The following RGS6 variants were observed in gnomAD, a reference collection of about 807,000 sequenced individuals.
RGS6 encodes regulator of G protein signaling 6.
A neutral mutation model predicts 78.5 loss-of-function variants in RGS6; 30 were observed. The ratio of observed to expected loss-of-function variants is 0.38; its 90% CI spans 0.29 to 0.52. The LOEUF (loss-of-function observed/expected upper bound fraction) is 0.52. Ranked by LOEUF, RGS6 falls within the 20% of genes least tolerant of loss-of-function variation. The probability of loss-of-function intolerance (pLI) is 0.85; values close to 1 mark genes in which losing one functional copy is unlikely to be tolerated. For synonymous variants in RGS6, 206 were observed against 206.0 expected, an observed-to-expected ratio of 1.00 and a Z score of 0.00; for missense variants, 495 against 609.7, an observed-to-expected ratio of 0.81 and a Z score of 1.98.
chr14:72,061,450 A>T (rs2093889237), intron 2 of RGS6, among the ~76,000 whole-genome samples: 1 of 152,162 alleles, frequency 6.6e-6, no homozygotes. Context: ...ATGAAGAAGG[A>T]ACCAGCTGCT....
chr14:72,307,526 C>A (rs1567715197), intron 2 of RGS6, among the ~76,000 whole-genome samples: 1 of 152,042 alleles, frequency 6.6e-6, no homozygotes, highest in Non-Finnish European at 1.5e-5. Flanking sequence ...GACAATAATT[C>A]TTTTTTCCAT....
the RGS6 span, chr14:72,612,664 G>A: frequency 1.8e-5 from 9 of 511,206 alleles, no homozygotes; most frequent in Admixed American, 1.2e-4. Flanking sequence ...AACCAAGTCC[G>A]TATAAACCAC....
rs79311678 is a variant in RGS6 at position 72,505,189 on chromosome 14, C to T, written c.966-4965C>T. Among the ~76,000 whole-genome samples the T allele has an allele frequency of 5.9e-5, 9 of 152,224 alleles. No individual in the cohort carries two copies. The South Asian group carries it at 1.7e-3, about 28-fold the overall frequency. ...TTACAGCAGCTTCCCACTCACAGTA[C>T]GAACTTCTGTCTTAGTCTGTTAGGA... On this transcript the variant is annotated intron_variant, in intron 13 of 17. Transcript: ENST00000553525.
Position 71,932,902 on chromosome 14 carries a change from G to C in RGS6, c.-60G>C, listed in dbSNP as rs1019686133. On this transcript the variant is annotated 5_prime_UTR_variant, in exon 1 of 18. Transcript: ENST00000553525. The stretch of plus-strand genomic sequence containing the variant: ...AAGGTTGGCTTTAGGAAAAATTCTG[G>C]AGCCAGAGGGAGAGTCAAGGCAATT... 6.6e-5 allele frequency: 10 copies of C among 152,276 alleles called. No homozygotes were observed. Among genetic ancestry groups the C allele is most frequent in the African/African-American group, 2.2e-4 (9 of 41,474 alleles). The allele number at this position is 152,276 out of a possible 1,614,324, so 9.4% of individuals were successfully genotyped here. A position where few individuals can be genotyped will look rare whatever the true frequency, so the allele number is the denominator to read the frequency against.
intron 3 of RGS6, among the ~76,000 whole-genome samples, chr14:72,418,947 A>C (rs1455862235): frequency 1.3e-5 from 2 of 152,208 alleles, no homozygotes; most frequent in East Asian, 3.9e-4. Context: ...AATGATAGTT[A>C]ATCTGTTTTC....
At chr14:72,576,630 G>C in the RGS6 span, among the ~76,000 whole-genome samples, 8 of 152,212 alleles carry the variant, frequency 5.3e-5, no homozygotes, top group Non-Finnish European at 1.0e-4. Flanking sequence ...TAACAGACAT[G>C]TGATACTTGT....
At position 72,154,021 on chromosome 14, in the gene RGS6, C is replaced by T. The variant is rs146797892; in HGVS notation, c.84+189146C>T. ...CCTTATCTCAACCGCATAGGACAGA[C>T]ATTCCCAGAGCGGCCGTTTATAGAC... On this transcript the variant is annotated intron_variant, in intron 2 of 17. Transcript: ENST00000553525. Among the ~76,000 whole-genome samples, 671 of 152,276 alleles carry T rather than the reference C, an allele frequency of 4.4e-3. 2 individuals are homozygous for T. Among genetic ancestry groups the T allele is most frequent in the African/African-American group, 0.015 (629 of 41,562 alleles).
chr14:72,348,847 C>G (rs369193325), intron 2 of RGS6, among the ~76,000 whole-genome samples: 1 of 152,130 alleles, frequency 6.6e-6, no homozygotes, highest in East Asian at 1.9e-4. Flanking sequence ...TAGAGCAAAC[C>G]ACTTCAAACT....
intron 2 of RGS6, among the ~76,000 whole-genome samples, chr14:71,969,541 G>A (rs2093690871): frequency 6.6e-6 from 1 of 152,148 alleles, no homozygotes; most frequent in Admixed American, 6.5e-5. Flanking sequence ...AAAGCTGGAG[G>A]CTCTGCCTGT....
intron 2 of RGS6, among the ~76,000 whole-genome samples, chr14:71,991,432 T>C (rs1394502652): frequency 6.6e-6 from 1 of 152,182 alleles, no homozygotes; most frequent in African/African-American, 2.4e-5. Context: ...CAATGAAAAA[T>C]ACCTTTCCGT....
At chr14:72,579,754 T>C in the RGS6 span, among the ~76,000 whole-genome samples, 1,905 of 152,216 alleles carry the variant, frequency 0.013, 17 homozygotes, top group Non-Finnish European at 0.02. Flanking sequence ...CAGGTAACAG[T>C]AGATGAGGCC....
At chr14:72,080,822 G>T (rs776700767) in intron 2 of RGS6, among the ~76,000 whole-genome samples, 11 of 151,876 alleles carry the variant, frequency 7.2e-5, no homozygotes, top group Admixed American at 2.0e-4. Flanking sequence ...AAAATCTATT[G>T]ACCATTGACT....
At chr14:71,890,897 C>T in the RGS6 span, among the ~76,000 whole-genome samples, 1 of 152,186 alleles carries the variant, frequency 6.6e-6, no homozygotes, top group East Asian at 1.9e-4. Flanking sequence ...CTTTTTACAT[C>T]TCAAACTGAC....
chr14:72,001,033 T>C (rs2083322935), intron 2 of RGS6, among the ~76,000 whole-genome samples: 1 of 152,246 alleles, frequency 6.6e-6, no homozygotes, highest in African/African-American at 2.4e-5. Flanking sequence ...TTTAGTTTCG[T>C]TCTCTCTTGA....
chr14:71,896,274 C>T, the RGS6 span, among the ~76,000 whole-genome samples: 1 of 152,200 alleles, frequency 6.6e-6, no homozygotes, highest in African/African-American at 2.4e-5. Context: ...CAGAGCAGCC[C>T]CGAGGGCTGC....
At position 72,565,086 on chromosome 14, in the gene RGS6, A is replaced by G. The variant is rs887686142; in HGVS notation, c.*2619A>G. Reference sequence around the variant, plus strand: ...ATTGGCCTGGTCTACACAGCCAAAAATTCAGACTAGATTAGATGTTTGCAG... The same window carrying G: ...ATTGGCCTGGTCTACACAGCCAAAAGTTCAGACTAGATTAGATGTTTGCAG... On this transcript the variant is annotated 3_prime_UTR_variant, in exon 18 of 18. Coordinates refer to ENST00000553525, the MANE Select transcript of RGS6 (RefSeq NM_001204424.2). 1 of 152,236 alleles carries G rather than the reference A, an allele frequency of 6.6e-6. No individual in the cohort carries two copies. The highest frequency in any genetic ancestry group is 6.5e-5 in the Admixed American group (1 of 15,284). The allele number at this position is 152,236 out of a possible 1,614,324, so 9.4% of individuals were successfully genotyped here. A position where few individuals can be genotyped will look rare whatever the true frequency, so the allele number is the denominator to read the frequency against.
chr14:72,346,008 A>C (rs763875811), intron 2 of RGS6, among the ~76,000 whole-genome samples: 40 of 152,184 alleles, frequency 2.6e-4, no homozygotes, highest in Non-Finnish European at 5.1e-4. Context: ...AGTCATTTTC[A>C]CTCCTTTGCA....
chr14:72,473,331 C>A (rs921832505), intron 9 of RGS6, among the ~76,000 whole-genome samples: 1 of 152,096 alleles, frequency 6.6e-6, no homozygotes, highest in East Asian at 1.9e-4. Context: ...GTAGTCCCAG[C>A]GACTCGGGAG....
intron 13 of RGS6, among the ~76,000 whole-genome samples, chr14:72,508,300 A>G (rs891342902): frequency 3.3e-5 from 5 of 152,220 alleles, no homozygotes; most frequent in Non-Finnish European, 5.9e-5. Context: ...CGGTATGTCT[A>G]GAGCTGCATA....
Sources: allele counts gnomAD v4.1 joint callset (sites outside exome capture counted in the v4.1 genomes callset), GRCh38; gene constraint gnomAD v4.1.1; transcripts MANE v1.5; gene names NCBI Gene and HGNC (gene_info 2026-07-23, HGNC 2026-07-21).